The following LHFPL1 variants were observed in gnomAD, a reference collection of about 807,000 sequenced individuals.
The protein encoded by LHFPL1 is LHFPL tetraspan subfamily member 1 protein.
Under a neutral mutation model 12.1 loss-of-function variants are expected in LHFPL1, and 4 were observed. That is an observed-to-expected ratio of 0.33 (90% CI 0.16 to 0.76). The LOEUF (loss-of-function observed/expected upper bound fraction) is 0.76, where lower values mean the gene tolerates loss of function less well. Ranked by LOEUF, LHFPL1 falls within the 30% of genes least tolerant of loss-of-function variation. The pLI, the probability that LHFPL1 is intolerant of heterozygous loss-of-function variation, is 0.61. For synonymous variants in LHFPL1, 52 were observed against 61.9 expected (o/e 0.84, Z 0.75); for missense variants, 141 against 174.1 (o/e 0.81, Z 1.07).
At chrX:112,642,280 C>T (rs1360156509) in intron 3 of LHFPL1, among the ~76,000 whole-genome samples, 1 of 103,932 alleles carries the variant, frequency 9.6e-6, no homozygotes, top group Non-Finnish European at 2.0e-5. Context: ...AGAGGCCGAG[C>T]TGGGCAGCTT....
intron 3 of LHFPL1, among the ~76,000 whole-genome samples, chrX:112,654,201 G>A (rs1930931843): frequency 8.9e-6 from 1 of 112,069 alleles, no homozygotes; most frequent in South Asian, 3.7e-4. Flanking sequence ...TTTTGGAAAA[G>A]CCAAAAACTG....
chrX:112,664,978 C>A (rs967461564), intron 2 of LHFPL1, among the ~76,000 whole-genome samples: 1 of 111,411 alleles, frequency 9.0e-6, no homozygotes, highest in Admixed American at 9.5e-5. Flanking sequence ...GTAATGTGGA[C>A]GTATCTTGTC....
At chrX:112,635,993 T>C (rs899521904) in intron 3 of LHFPL1, among the ~76,000 whole-genome samples, 3 of 111,353 alleles carry the variant, frequency 2.7e-5, no homozygotes, top group Non-Finnish European at 5.7e-5. Flanking sequence ...GAGCAAGGTT[T>C]CTCGACCTTG....
In LHFPL1 at chrX:112,631,247, G is replaced by A; in HGVS notation, c.*173C>T. On this transcript the variant is annotated 3_prime_UTR_variant, in exon 4 of 4. Transcript: ENST00000371968. ...TTTCCTCTGATGAATTTTATAAACA[G>A]CCAGTGACCTACTGGCTTAAAGATA... is the stretch of plus-strand genomic sequence containing the variant. 1 of 378,571 alleles carries A rather than the reference G, an allele frequency of 2.6e-6. No homozygotes were observed. The highest frequency in any genetic ancestry group is 2.5e-5 in the African/African-American group (1 of 39,787). The allele number at this position is 378,571 out of a possible 1,213,427, so 31.2% of individuals were successfully genotyped here.
At chrX:112,656,830 A>G (rs781509192) in intron 3 of LHFPL1, among the ~76,000 whole-genome samples, 9 of 112,136 alleles carry the variant, frequency 8.0e-5, no homozygotes, top group Non-Finnish European at 1.7e-4. Context: ...CACCTAGCCT[A>G]CCCTAAAGGT....
At chrX:112,674,445 A>T (rs760366419) in intron 1 of LHFPL1, among the ~76,000 whole-genome samples, 117 of 111,633 alleles carry the variant, frequency 1.0e-3, no homozygotes, top group African/African-American at 3.4e-3. Flanking sequence ...AATAGCGGGG[A>T]CCTAATTGAA....
chrX:112,658,668 G>T (rs778179454), intron 3 of LHFPL1, among the ~76,000 whole-genome samples: 58 of 111,168 alleles, frequency 5.2e-4, no homozygotes, highest in African/African-American at 1.8e-3. Context: ...TGAAACCATT[G>T]TACATTGTTG....
At chrX:112,664,551 C>G (rs1465559181) in intron 2 of LHFPL1, among the ~76,000 whole-genome samples, 1 of 111,516 alleles carries the variant, frequency 9.0e-6, no homozygotes, top group East Asian at 2.8e-4. Flanking sequence ...TAGCTCCGTG[C>G]TCTGCCCAAC....
At chrX:112,657,793 C>T (rs1931050758) in intron 3 of LHFPL1, among the ~76,000 whole-genome samples, 1 of 108,837 alleles carries the variant, frequency 9.2e-6, no homozygotes, top group African/African-American at 3.4e-5. Context: ...CAAAACAGAA[C>T]AAAGGCCTAA....
chrX:112,659,557 G>A (rs143918902), intron 3 of LHFPL1, among the ~76,000 whole-genome samples: 1 of 111,428 alleles, frequency 9.0e-6, no homozygotes, highest in East Asian at 2.8e-4. Context: ...GGGTACATTT[G>A]ATAATATAAG....
At chrX:112,644,593 G>A (rs1432444558) in intron 3 of LHFPL1, among the ~76,000 whole-genome samples, 1 of 110,924 alleles carries the variant, frequency 9.0e-6, no homozygotes, top group Non-Finnish European at 1.9e-5. Context: ...AACACAGGGA[G>A]CTAGGCATGT....
chrX:112,666,234 G>A (rs928485899), intron 2 of LHFPL1, among the ~76,000 whole-genome samples: 2 of 111,607 alleles, frequency 1.8e-5, no homozygotes, highest in Admixed American at 9.5e-5. Context: ...CAAACCAGTG[G>A]AAAATTTACA....
chrX:112,663,475 G>A (rs1046348774), intron 2 of LHFPL1, among the ~76,000 whole-genome samples: 4 of 110,779 alleles, frequency 3.6e-5, no homozygotes, highest in Non-Finnish European at 7.6e-5. Context: ...GGACTTCCAT[G>A]TCAGGGCTGG....
At chrX:112,665,416 C>A (rs775711722) in intron 2 of LHFPL1, among the ~76,000 whole-genome samples, 2 of 111,495 alleles carry the variant, frequency 1.8e-5, no homozygotes, top group Admixed American at 9.5e-5. Context: ...GTGTCAGACT[C>A]CTGAGCGCAG....
chrX:112,653,108 C>T (rs1370636905), intron 3 of LHFPL1, among the ~76,000 whole-genome samples: 2 of 111,909 alleles, frequency 1.8e-5, no homozygotes, highest in East Asian at 2.8e-4. Context: ...GCTACTTAAT[C>T]GGTAATAGGT....
intron 3 of LHFPL1, among the ~76,000 whole-genome samples, chrX:112,648,202 A>T (rs1930752395): frequency 9.0e-6 from 1 of 110,624 alleles, no homozygotes; most frequent in South Asian, 3.9e-4. Flanking sequence ...GAGGGATAGC[A>T]TTAGGAGAAA....
intron 3 of LHFPL1, among the ~76,000 whole-genome samples, chrX:112,656,517 G>A (rs958636933): frequency 6.3e-5 from 7 of 111,612 alleles, no homozygotes; most frequent in Non-Finnish European, 1.1e-4. Context: ...TCTTGCAAGG[G>A]CAATTAGGCA....
intron 3 of LHFPL1, among the ~76,000 whole-genome samples, chrX:112,640,876 T>C (rs147096308): frequency 1.7e-3 from 192 of 111,721 alleles, no homozygotes; most frequent in African/African-American, 5.9e-3. Context: ...TACAGGCTTG[T>C]TGAAGACTAT....
At chrX:112,679,083 T>G (rs933490184) in intron 1 of LHFPL1, among the ~76,000 whole-genome samples, 1 of 111,345 alleles carries the variant, frequency 9.0e-6, no homozygotes, top group African/African-American at 3.3e-5. Flanking sequence ...GGAAAAGACT[T>G]GAAACCACCT....
Sources: allele counts gnomAD v4.1 joint callset (sites outside exome capture counted in the v4.1 genomes callset), GRCh38; gene constraint gnomAD v4.1.1; transcripts MANE v1.5; gene names NCBI Gene and HGNC (gene_info 2026-07-23, HGNC 2026-07-21).